RAD54B: variants seen among roughly 807,000 people sequenced by gnomAD.
The protein encoded by RAD54B is RAD54 homolog B.
In RAD54B, 78 loss-of-function variants were observed where a neutral mutation model predicts 95.8. The ratio of observed to expected loss-of-function variants is 0.81; its 90% CI spans 0.68 to 0.98. RAD54B has a LOEUF of 0.98. Ranked by LOEUF, RAD54B falls within the 50% of genes least tolerant of loss-of-function variation. RAD54B has a pLI of 0.00. For missense variants in RAD54B, 957 were observed against 1,056.6 expected (o/e 0.91, Z 1.31); for synonymous variants, 328 against 354.9 (o/e 0.92, Z 0.85).
chr8:94,375,120 ATATC>A (rs1212576945), intron 14 of RAD54B, among the ~76,000 whole-genome samples: 3 of 152,234 alleles, frequency 2.0e-5, no homozygotes, highest in Admixed American at 6.5e-5. Flanking sequence ...CATTTTGGCA[ATATC>A]TATCAAAATT....
Position 94,386,588 on chromosome 8 carries a change from GTGTGTGCA to G in RAD54B, c.1985+388_1985+395del, listed in dbSNP as rs201902642. Among the ~76,000 whole-genome samples the G allele has an allele frequency of 0.014, 842 of 59,748 alleles. 20 individuals are homozygous for G. The East Asian group carries it at 0.16, about 11-fold the overall frequency. 39.2% of individuals were successfully genotyped at this position (59,748 alleles called of 152,430 possible). Reference sequence around the variant, plus strand: ...CCACATGGTATGGTTGTGTGTGTGTGTGTGTGCATGTGTGTGTGCAATAGTTGAAAGTA... The same window carrying G: ...CCACATGGTATGGTTGTGTGTGTGTGTGTGTGTGTGCAATAGTTGAAAGTA... On this transcript the variant is annotated intron_variant, in intron 11 of 14. Transcript: ENST00000336148.
intron 6 of RAD54B, among the ~76,000 whole-genome samples, chr8:94,403,387 A>C (rs1412152162): frequency 1.3e-5 from 2 of 151,966 alleles, no homozygotes; most frequent in Non-Finnish European, 1.5e-5. Flanking sequence ...TTTTTCCAAA[A>C]TTCTCATAAC....
intron 5 of RAD54B, 146 bp downstream of exon 5, chr8:94,407,293 A>T (rs982149421): frequency 1.3e-6 from 1 of 765,662 alleles, no homozygotes; most frequent in African/African-American, 1.8e-5. Flanking sequence ...TGACTTCAAC[A>T]TTATCTCTTA....
chr8:94,430,569 A>G, intron 3 of RAD54B: 1 of 685,148 alleles, frequency 1.5e-6, no homozygotes, highest in Non-Finnish European at 1.8e-6. Context: ...ATGGATTTAC[A>G]TTTCTAACAA....
At chr8:94,404,047 T>A in intron 6 of RAD54B, 30 bp downstream of exon 6, 1 of 1,511,594 alleles carries the variant, frequency 6.6e-7, no homozygotes, top group Non-Finnish European at 9.0e-7. Context: ...AAAATTCAGA[T>A]TAGATTAAAC....
At chr8:94,428,287 T>G (rs1218118173) in intron 3 of RAD54B, 5 of 979,826 alleles carry the variant, frequency 5.1e-6, no homozygotes, top group Non-Finnish European at 6.1e-6. Context: ...CATTACATTT[T>G]GTAATTAAAG....
intron 7 of RAD54B, 98 bp downstream of exon 7, chr8:94,400,140 G>A (rs1331108680): frequency 1.9e-6 from 2 of 1,032,368 alleles, no homozygotes; most frequent in African/African-American, 3.2e-5. Context: ...CCATTTTTGT[G>A]CAAAAGGGTT....
intron 2 of RAD54B, among the ~76,000 whole-genome samples, chr8:94,466,880 T>A (rs866369571): frequency 1.8e-4 from 27 of 152,232 alleles, no homozygotes; most frequent in Admixed American, 1.3e-4. Flanking sequence ...AGGTACTTAC[T>A]TATCATTACC....
chr8:94,399,764 C>A lies in RAD54B; in HGVS notation c.1171-143G>T, dbSNP rs944987509. On this transcript the variant is annotated intron_variant, in intron 7 of 14. Transcript: ENST00000336148. ...CTTAGTCAACTGAGGCTGCTATAAA[C>A]AAAATACCATAGATTGGGTGGCTTA... The A allele has an allele frequency of 3.5e-6, 4 of 1,134,652 alleles. No homozygotes were observed. The Admixed American group carries it at 1.2e-4, about 33-fold the overall frequency. 70.3% of individuals were successfully genotyped at this position (1,134,652 alleles called of 1,614,324 possible).
At chr8:94,426,425 T>C (rs920248952) in intron 3 of RAD54B, among the ~76,000 whole-genome samples, 3 of 152,192 alleles carry the variant, frequency 2.0e-5, no homozygotes, top group African/African-American at 7.2e-5. Flanking sequence ...AGAATCTTTA[T>C]ACATAATAGC....
intron 11 of RAD54B, among the ~76,000 whole-genome samples, chr8:94,384,518 G>T (rs1810823233): frequency 4.0e-5 from 1 of 24,988 alleles, no homozygotes; most frequent in African/African-American, 6.5e-5. Context: ...GTGTTTAATA[G>T]ATTTCAGTTT....
chr8:94,438,957 T>TG (rs1255702347), intron 3 of RAD54B, among the ~76,000 whole-genome samples: 1 of 152,104 alleles, frequency 6.6e-6, no homozygotes, highest in Non-Finnish European at 1.5e-5. Context: ...CCAGGTGTGG[T>TG]GGCATATGCC....
At chr8:94,383,066 G>C (rs533025561) in intron 11 of RAD54B, among the ~76,000 whole-genome samples, 6 of 152,246 alleles carry the variant, frequency 3.9e-5, no homozygotes, top group Admixed American at 2.0e-4. Flanking sequence ...GGAGGCCAAG[G>C]GGGGTGGGTC....
intron 3 of RAD54B, chr8:94,429,109 T>A: frequency 1.0e-6 from 1 of 985,328 alleles, no homozygotes; most frequent in Non-Finnish European, 1.2e-6. Flanking sequence ...GAAAAGTTGC[T>A]GCAGTAAACT....
At chr8:94,457,466 G>A (rs1009608867) in intron 3 of RAD54B, among the ~76,000 whole-genome samples, 4 of 152,090 alleles carry the variant, frequency 2.6e-5, no homozygotes, top group African/African-American at 4.8e-5. Context: ...TTTCTGTCCG[G>A]ACAAGATACA....
chr8:94,452,157 A>C (rs1268166556), intron 3 of RAD54B, among the ~76,000 whole-genome samples: 3 of 152,236 alleles, frequency 2.0e-5, no homozygotes, highest in Admixed American at 2.0e-4. Context: ...AATCTCATTC[A>C]TGAGGGCTTC....
chr8:94,424,391 G>T (rs1811892894), intron 3 of RAD54B, among the ~76,000 whole-genome samples: 1 of 152,166 alleles, frequency 6.6e-6, no homozygotes, highest in African/African-American at 2.4e-5. Context: ...AACAGTATTT[G>T]CCACATAGTA....
intron 8 of RAD54B, among the ~76,000 whole-genome samples, chr8:94,397,763 A>G (rs1811181780): frequency 1.3e-5 from 2 of 152,140 alleles, no homozygotes; most frequent in East Asian, 3.9e-4. Context: ...TTCTAGTGCT[A>G]AACATTTTTA....
chr8:94,407,748 T>C (rs1811430043), intron 4 of RAD54B, 28 bp from the exon 5 acceptor site: 2 of 1,587,432 alleles, frequency 1.3e-6, no homozygotes, highest in Non-Finnish European at 1.7e-6. Flanking sequence ...AAAAAATTAA[T>C]TGACACTCTA....
Sources: gnomAD v4.1 joint callset for allele counts (sites outside exome capture counted in the v4.1 genomes callset) on GRCh38, gnomAD v4.1.1 for gene constraint, MANE v1.5 for transcripts, NCBI Gene and HGNC (gene_info 2026-07-23, HGNC 2026-07-21) for gene names.